The following AFG3L2 variants were observed in gnomAD, a reference collection of about 807,000 sequenced individuals.
AFG3L2 encodes the protein mitochondrial inner membrane m-AAA protease component AFG3L2.
In AFG3L2, 54 loss-of-function variants were observed where a neutral mutation model predicts 94.5. The observed-to-expected ratio is 0.57, with a 90% CI of 0.46 to 0.72. The LOEUF (loss-of-function observed/expected upper bound fraction) is 0.72. AFG3L2 is among the 30% of genes least tolerant of loss of function. AFG3L2 has a pLI of 0.00. For synonymous variants in AFG3L2, 377 were observed against 365.5 expected, an observed-to-expected ratio of 1.03 and a Z score of -0.36; for missense variants, 754 against 994.9, an observed-to-expected ratio of 0.76 and a Z score of 3.26.
intron 16 of AFG3L2, among the ~76,000 whole-genome samples, chr18:12,333,032 A>ATTATATAT (rs1568132018): frequency 4.6e-5 from 3 of 65,094 alleles, no homozygotes; most frequent in Admixed American, 2.1e-4. Flanking sequence ...TAATATATAA[A>ATTATATAT]AATATATAAT....
intron 8 of AFG3L2, among the ~76,000 whole-genome samples, chr18:12,358,270 C>T (rs989111324): frequency 1.3e-5 from 2 of 152,188 alleles, no homozygotes; most frequent in African/African-American, 4.8e-5. Flanking sequence ...GGATCCTGTG[C>T]CGTGAACCTC....
chr18:12,360,573 C>T (rs571026595), intron 6 of AFG3L2, among the ~76,000 whole-genome samples: 21 of 152,214 alleles, frequency 1.4e-4, no homozygotes, highest in East Asian at 5.8e-4. Context: ...ATCCGAGCAC[C>T]GCACCCCACT....
intron 16 of AFG3L2, among the ~76,000 whole-genome samples, chr18:12,335,495 C>G (rs936362788): frequency 1.3e-5 from 2 of 152,108 alleles, no homozygotes. Flanking sequence ...TTCAAGCCCT[C>G]GAAGCTCTCT....
At position 12,344,477 on chromosome 18, in the gene AFG3L2, C is replaced by T. The variant is rs180672542; in HGVS notation, c.1664-230G>A. On this transcript the variant is annotated intron_variant, in intron 13 of 16. Coordinates refer to ENST00000269143, the MANE Select transcript of AFG3L2 (RefSeq NM_006796.3). The stretch of plus-strand genomic sequence containing the variant: ...ATCACTTGAGGTGAGGAGTTCGAGA[C>T]CAGCCTGGCCAACATGGTGAAACCC... 2.6e-3 allele frequency among the ~76,000 whole-genome samples: 395 copies of T among 152,084 alleles called. 2 individuals carry two copies. The highest frequency in any genetic ancestry group is 8.1e-3 in the Admixed American group (124 of 15,244).
At chr18:12,344,568 G>GT (rs1908069686) in intron 13 of AFG3L2, among the ~76,000 whole-genome samples, 1 of 152,078 alleles carries the variant, frequency 6.6e-6, no homozygotes, top group African/African-American at 2.4e-5. Context: ...CAGCTGCTAG[G>GT]GAGGCTGGGG....
chr18:12,352,646 A>G (rs2143170050), intron 10 of AFG3L2, among the ~76,000 whole-genome samples: 1 of 152,346 alleles, frequency 6.6e-6, no homozygotes, highest in South Asian at 2.1e-4. Context: ...AACACCAGAC[A>G]CAAACAGCAT....
chr18:12,370,815 C>A, intron 3 of AFG3L2, 34 bp downstream of exon 3: 1 of 1,415,462 alleles, frequency 7.1e-7, no homozygotes. Flanking sequence ...GAGGGGAAAA[C>A]ACAAAATTCA....
chr18:12,329,919 T>C, intron 16 of AFG3L2, 136 bp from the exon 17 acceptor site: 1 of 780,630 alleles, frequency 1.3e-6, no homozygotes, highest in Non-Finnish European at 2.1e-6. Context: ...TACATAAGGT[T>C]GCATAGTTTT....
rs139192793 is a variant in AFG3L2, at chr18:12,344,146, C to G, written c.1765G>C (p.Asp589His). 2.5e-6 allele frequency: 4 copies of G among 1,613,356 alleles called. No homozygotes were observed. Among genetic ancestry groups the G allele is most frequent in the Non-Finnish European group, 3.4e-6 (4 of 1,180,034 alleles). Reference protein sequence around the residue: ...AVAGWYLEHADPLLKVSIIPR... With the variant: ...AVAGWYLEHAHPLLKVSIIPR... Reference sequence around the variant, plus strand: ...CCCTGCTTCACCTTTAAAAGCGGGTCTGCGTGCTCCAGATACCAGCCGGCA... The same window carrying G: ...CCCTGCTTCACCTTTAAAAGCGGGTGTGCGTGCTCCAGATACCAGCCGGCA... The change falls in exon 14 of 17, where the codon GAC becomes CAC. Residue 589 changes from aspartate (D) to histidine (H), a missense_variant. Physicochemically the swap from Asp to His is moderately conservative, Grantham distance 81. Around this residue, in one of 4 missense-constraint regions of AFG3L2, gnomAD observed 279 missense variants for 378.6 expected, o/e 0.74. Transcript: ENST00000269143.
intron 16 of AFG3L2, among the ~76,000 whole-genome samples, chr18:12,333,181 TAATA>T (rs1333637538): frequency 1.0e-3 from 119 of 118,342 alleles, no homozygotes; most frequent in African/African-American, 2.7e-3. Flanking sequence ...ATAGATAATA[TAATA>T]AATAATATAT....
intron 7 of AFG3L2, among the ~76,000 whole-genome samples, chr18:12,359,422 CAAAAAT>C (rs527897268): frequency 2.7e-4 from 41 of 151,784 alleles, no homozygotes; most frequent in South Asian, 2.1e-3. Context: ...AGGAATGAAT[CAAAAAT>C]AAAAATAAAA....
chr18:12,354,137 C>T (rs866281844), intron 9 of AFG3L2, among the ~76,000 whole-genome samples: 21 of 132,208 alleles, frequency 1.6e-4, no homozygotes, highest in Admixed American at 1.1e-3. Context: ...CTCCCACCCC[C>T]CCCCCCCCAC....
intron 12 of AFG3L2, 38 bp downstream of exon 12, chr18:12,351,047 T>C (rs1908298405): frequency 6.2e-7 from 1 of 1,611,378 alleles, no homozygotes; most frequent in Non-Finnish European, 8.5e-7. Flanking sequence ...CTGATTTTAA[T>C]ATGCTTCTAA....
At chr18:12,372,149 C>A (rs1000939838) in intron 1 of AFG3L2, among the ~76,000 whole-genome samples, 4 of 151,926 alleles carry the variant, frequency 2.6e-5, no homozygotes, top group East Asian at 1.9e-4. Flanking sequence ...ACTAAAAATA[C>A]AAAAATTAGC....
At chr18:12,339,532 A>AGAGTGCGAGGCTCAGT (rs1323995501) in intron 15 of AFG3L2, among the ~76,000 whole-genome samples, 6 of 147,394 alleles carry the variant, frequency 4.1e-5, no homozygotes, top group Admixed American at 1.4e-4. Context: ...AGCCTGGGCA[A>AGAGTGCGAGGCTCAGT]CAAGAGCAAA....
chr18:12,373,874 T>G (rs770223423), intron 1 of AFG3L2, among the ~76,000 whole-genome samples: 10 of 152,162 alleles, frequency 6.6e-5, no homozygotes, highest in South Asian at 2.1e-4. Flanking sequence ...AAGACACTCA[T>G]GAGAGCTCCA....
rs563588444 is a variant in AFG3L2 at position 12,356,676 on chromosome 18, G to A, written c.1164+18C>T. Reference sequence around the variant, plus strand: ...TGGGTGCAAGGAAGCTGTACCATCCGAACAGAATGAGACTCACTCTAGCAG... The same window carrying A: ...TGGGTGCAAGGAAGCTGTACCATCCAAACAGAATGAGACTCACTCTAGCAG... On this transcript the variant is annotated intron_variant, in intron 9 of 16. Coordinates refer to ENST00000269143, the MANE Select transcript of AFG3L2 (RefSeq NM_006796.3). The A allele has an allele frequency of 3.4e-5, 55 of 1,613,880 alleles. No individual in the cohort carries two copies. The highest frequency in any genetic ancestry group is 1.6e-4 in the Middle Eastern group (1 of 6,080).
intron 1 of AFG3L2, among the ~76,000 whole-genome samples, chr18:12,375,035 G>A (rs1202361999): frequency 1.4e-5 from 2 of 145,222 alleles, no homozygotes; most frequent in Admixed American, 7.0e-5. Context: ...CAGTCTGGGC[G>A]ACAGAGCGAG....
intron 14 of AFG3L2, chr18:12,342,990 A>G (rs1410505465): frequency 6.9e-6 from 1 of 145,910 alleles, no homozygotes; most frequent in Non-Finnish European, 1.5e-5. Context: ...TTTTAGATTC[A>G]GCTTCTCAAT....
Sources: gnomAD v4.1 joint callset for allele counts (sites outside exome capture counted in the v4.1 genomes callset) on GRCh38, gnomAD v4.1.1 for gene constraint, gnomAD v4.1.1 regional missense constraint, MANE v1.5 for transcripts, NCBI Gene and HGNC (gene_info 2026-07-23, HGNC 2026-07-21) for gene names.